RBFOX1: variants seen among roughly 807,000 people sequenced by gnomAD.
RBFOX1 encodes RNA binding fox-1 homolog 1, also known as RNA binding protein fox-1 homolog 1.
In RBFOX1, 8 loss-of-function variants were observed where a neutral mutation model predicts 57.7. The observed-to-expected ratio is 0.14, with a 90% confidence interval of 0.08 to 0.25. RBFOX1 has a LOEUF of 0.25. RBFOX1 is among the 10% of genes least tolerant of loss of function. RBFOX1 has a pLI of 1.00. For missense variants in RBFOX1, 611 were observed against 548.5 expected (o/e 1.11, Z -1.14); for synonymous variants, 326 against 222.4 (o/e 1.47, Z -4.15).
At chr16:6,322,377 C>T (rs761408089) in intron 2 of RBFOX1, among the ~76,000 whole-genome samples, 3 of 152,198 alleles carry the variant, frequency 2.0e-5, no homozygotes, top group African/African-American at 7.2e-5. Flanking sequence ...GCAAGTTCAT[C>T]TCTTGATATC....
intron 1 of RBFOX1, among the ~76,000 whole-genome samples, chr16:6,305,667 A>G (rs1372489172): frequency 6.8e-6 from 1 of 148,134 alleles, no homozygotes; most frequent in East Asian, 2.0e-4. Context: ...TTTTTCCTGT[A>G]TTACCTCATT....
chr16:5,527,054 T>C (rs730435), intron 2 of RBFOX1, among the ~76,000 whole-genome samples: 62,540 of 152,024 alleles, frequency 0.41, 14,380 homozygotes, highest in East Asian at 0.96. Context: ...GTGTCAGTGG[T>C]GCTCTTTCAG....
intron 3 of RBFOX1, among the ~76,000 whole-genome samples, chr16:6,936,598 C>T (rs1324757919): frequency 6.6e-6 from 1 of 152,112 alleles, no homozygotes; most frequent in East Asian, 1.9e-4. Context: ...AGCCTAAGCA[C>T]TTGACATCCC....
intron 4 of RBFOX1, among the ~76,000 whole-genome samples, chr16:5,916,195 G>GA (rs2058699963): frequency 1.5e-5 from 2 of 130,280 alleles, no homozygotes; most frequent in African/African-American, 5.5e-5. Flanking sequence ...TGACACTCTA[G>GA]CAAAAAAACC....
intron 4 of RBFOX1, among the ~76,000 whole-genome samples, chr16:5,972,615 A>C (rs2059985494): frequency 6.6e-6 from 1 of 152,208 alleles, no homozygotes; most frequent in African/African-American, 2.4e-5. Context: ...GGTTGCGGGC[A>C]ATCAGGGAAG....
In RBFOX1 at chr16:7,107,250, A is replaced by G. The variant is rs192113225; in HGVS notation, c.27+55152A>G. Among the ~76,000 whole-genome samples the G allele has an allele frequency of 2.6e-3, 403 of 152,222 alleles. 7 individuals carry two copies. Among genetic ancestry groups the G allele is most frequent in the South Asian group, 0.017 (84 of 4,818 alleles). On this transcript the variant is annotated intron_variant, in intron 4 of 15. Coordinates refer to ENST00000550418, the MANE Select transcript of RBFOX1 (RefSeq NM_018723.4). The stretch of plus-strand genomic sequence containing the variant: ...TATTAAACCTGTGGGAGATCAGCAC[A>G]CTGTGAGCTGGAGAGCAATGTGGAA...
At chr16:5,428,486 C>G (rs1440059192) in intron 1 of RBFOX1, among the ~76,000 whole-genome samples, 2 of 152,104 alleles carry the variant, frequency 1.3e-5, no homozygotes, top group Non-Finnish European at 2.9e-5. Context: ...GATATGCATT[C>G]TAGTAGAGGA....
rs139675674 is a variant in RBFOX1 at position 6,175,148 on chromosome 16, G to A, written c.-126-141847G>A. Among the ~76,000 whole-genome samples the A allele has an allele frequency of 6.6e-5, 10 of 152,330 alleles. 1 individual carries two copies. The East Asian group carries it at 1.9e-3, about 29-fold the overall frequency. On this transcript the variant is annotated intron_variant, in intron 1 of 15. Transcript: ENST00000550418. ...TAAATGCTTGTTAAAGGCTTACTGTGAGTCCGTGACTACAGCTTATATTCA... is the reference window on the plus strand; with the variant it reads ...TAAATGCTTGTTAAAGGCTTACTGTAAGTCCGTGACTACAGCTTATATTCA...
chr16:7,021,340 A>G (rs966680899), intron 3 of RBFOX1, among the ~76,000 whole-genome samples: 1 of 147,306 alleles, frequency 6.8e-6, no homozygotes, highest in Non-Finnish European at 1.5e-5. Flanking sequence ...ATTTAAAAAC[A>G]TTTTTGAATA....
chr16:5,650,240 G>A lies in RBFOX1; in HGVS notation c.318+51279G>A, dbSNP rs983662754. ...AGAGGCAGCTGCTTGGGCCAGAGAGGCTGACTCTGATGGCCTCGGGAGATG... is the reference window on the plus strand; with the variant it reads ...AGAGGCAGCTGCTTGGGCCAGAGAGACTGACTCTGATGGCCTCGGGAGATG... On this transcript the variant is annotated intron_variant, in intron 3 of 19. Coordinates refer to the RBFOX1 transcript ENST00000641259. 2.6e-5 allele frequency among the ~76,000 whole-genome samples: 4 copies of A among 152,274 alleles called. No homozygotes were observed. The East Asian group carries it at 7.8e-4, about 30-fold the overall frequency.
intron 4 of RBFOX1, among the ~76,000 whole-genome samples, chr16:7,139,029 C>T (rs540827221): frequency 1.3e-5 from 2 of 152,102 alleles, no homozygotes; most frequent in Non-Finnish European, 2.9e-5. Flanking sequence ...GTCTCAAACT[C>T]CTGGCCCCAA....
intron 2 of RBFOX1, among the ~76,000 whole-genome samples, chr16:6,462,450 G>A (rs2094941766): frequency 6.6e-6 from 1 of 152,124 alleles, no homozygotes; most frequent in Admixed American, 6.6e-5. Context: ...TTACATATCT[G>A]CATAGTATTC....
chr16:7,203,512 C>G (rs980404397), intron 4 of RBFOX1, among the ~76,000 whole-genome samples: 4 of 152,174 alleles, frequency 2.6e-5, no homozygotes, highest in African/African-American at 9.7e-5. Flanking sequence ...GAATTGTATG[C>G]TTAAAATGGT....
At chr16:7,432,516 G>C (rs1240519421) in intron 4 of RBFOX1, among the ~76,000 whole-genome samples, 2 of 152,172 alleles carry the variant, frequency 1.3e-5, no homozygotes, top group East Asian at 1.9e-4. Flanking sequence ...CAACAGGTAT[G>C]CACAAACATT....
At chr16:6,722,501 C>G (rs11642277) in intron 3 of RBFOX1, among the ~76,000 whole-genome samples, 22,530 of 140,004 alleles carry the variant, frequency 0.16, 1,939 homozygotes, top group Non-Finnish European at 0.18. Flanking sequence ...GAATATTTAC[C>G]ATGTAGATAA....
At chr16:5,918,653 C>G (rs187322928) in intron 4 of RBFOX1, among the ~76,000 whole-genome samples, 28 of 152,304 alleles carry the variant, frequency 1.8e-4, no homozygotes, top group African/African-American at 6.5e-4. Context: ...GTAGGCATTC[C>G]TTATCTCCAG....
chr16:5,709,341 G>T (rs1460972930), intron 3 of RBFOX1, among the ~76,000 whole-genome samples: 1 of 152,180 alleles, frequency 6.6e-6, no homozygotes, highest in African/African-American at 2.4e-5. Flanking sequence ...TGGTTCTTCT[G>T]TTCTTTGATC....
intron 3 of RBFOX1, among the ~76,000 whole-genome samples, chr16:6,802,451 C>T (rs1260629100): frequency 6.6e-6 from 1 of 152,062 alleles, no homozygotes; most frequent in Non-Finnish European, 1.5e-5. Context: ...CCGAGGTGGG[C>T]ACATCACCTG....
In RBFOX1 at chr16:5,561,079, C is replaced by T. The variant is rs577299795; in HGVS notation, c.259-37823C>T. ...TTTTATCAATTCCCAAATGGATTCCCTCTGTTGTGTCTTCCTCCCAGTACA... is the reference window on the plus strand; with the variant it reads ...TTTTATCAATTCCCAAATGGATTCCTTCTGTTGTGTCTTCCTCCCAGTACA... On this transcript the variant is annotated intron_variant, in intron 2 of 2. Transcript: ENST00000585867. Among the ~76,000 whole-genome samples the T allele has an allele frequency of 3.3e-5, 5 of 152,280 alleles. No individual in the cohort carries two copies. The South Asian group carries it at 1.0e-3, about 32-fold the overall frequency.
Sources: allele counts gnomAD v4.1 joint callset (sites outside exome capture counted in the v4.1 genomes callset), GRCh38; gene constraint gnomAD v4.1.1; transcripts MANE v1.5; gene names NCBI Gene and HGNC (gene_info 2026-07-23, HGNC 2026-07-21).